Variants in FRMD4B observed in about 807,000 individuals in gnomAD.
FRMD4B encodes FERM domain-containing protein 4B.
A neutral mutation model predicts 141.5 loss-of-function variants in FRMD4B; 74 were observed. The observed-to-expected ratio is 0.52, with a 90% CI of 0.43 to 0.63. The LOEUF is 0.63. FRMD4B is among the 30% of genes least tolerant of loss of function. FRMD4B has a pLI of 0.00. For synonymous variants in FRMD4B, 506 were observed against 467.9 expected, an observed-to-expected ratio of 1.08 and a Z score of -1.05; for missense variants, 1,366 against 1,253.4, an observed-to-expected ratio of 1.09 and a Z score of -1.36.
chr3:69,517,791 A>G (rs528550385), intron 1 of FRMD4B, among the ~76,000 whole-genome samples: 12 of 152,230 alleles, frequency 7.9e-5, no homozygotes, highest in African/African-American at 2.9e-4. Flanking sequence ...TGGAACCTCA[A>G]ATGTCTCTGT....
chr3:69,500,253 C>T (rs796652127), intron 1 of FRMD4B, among the ~76,000 whole-genome samples: 5 of 152,304 alleles, frequency 3.3e-5, no homozygotes, highest in South Asian at 2.1e-4. Flanking sequence ...CGAAATCACA[C>T]GTATTCCTGG....
At chr3:69,386,099 G>A, upstream of FRMD4B, 7 of 1,015,076 alleles carry the variant, frequency 6.9e-6, no homozygotes, top group Non-Finnish European at 9.6e-6. Flanking sequence ...GGCAGCCGGG[G>A]GGTCAAGCCT....
chr3:69,460,150 G>A (rs1575810131), intron 1 of FRMD4B, among the ~76,000 whole-genome samples: 1 of 152,176 alleles, frequency 6.6e-6, no homozygotes, highest in African/African-American at 2.4e-5. Flanking sequence ...CCATTTGTTG[G>A]AAATTCCACA....
chr3:69,207,440 G>A (rs1169154722), intron 11 of FRMD4B, among the ~76,000 whole-genome samples: 2 of 151,860 alleles, frequency 1.3e-5, no homozygotes, highest in East Asian at 3.9e-4. Flanking sequence ...TCCTATTTAT[G>A]AGCTATCTTT....
In FRMD4B at chr3:69,217,357, A is replaced by C. The variant is rs199529073; in HGVS notation, c.789+965T>G. 2.0e-4 allele frequency among the ~76,000 whole-genome samples: 31 copies of C among 152,288 alleles called. No individual in the cohort carries two copies. In the East Asian group the frequency reaches 5.8e-3, roughly 28 times the overall value. On this transcript the variant is annotated intron_variant, in intron 10 of 22. Coordinates refer to ENST00000398540, the MANE Select transcript of FRMD4B (RefSeq NM_015123.3). Reference sequence around the variant, plus strand: ...AATTGGAGGCCAGGCGTGGTGGTTCATGCCTGTAATCCCAGCACTTTGGGA... The same window carrying C: ...AATTGGAGGCCAGGCGTGGTGGTTCCTGCCTGTAATCCCAGCACTTTGGGA...
intron 1 of FRMD4B, among the ~76,000 whole-genome samples, chr3:69,447,596 A>C (rs1341621447): frequency 2.0e-5 from 3 of 152,222 alleles, no homozygotes; most frequent in Admixed American, 2.0e-4. Flanking sequence ...AAATTTTGTT[A>C]CAAGTATATA....
intron 5 of FRMD4B, among the ~76,000 whole-genome samples, chr3:69,250,539 T>C (rs2093458066): frequency 6.6e-6 from 1 of 152,160 alleles, no homozygotes; most frequent in African/African-American, 2.4e-5. Context: ...TATTTCAGTA[T>C]ACACACAATG....
In FRMD4B at chr3:69,243,609, T is replaced by C. The variant is rs190755644; in HGVS notation, c.581+5617A>G. ...GCTGGAAGTTACGCACAGGCAGTAG[T>C]GTGTGGTGGAATCAGAACAGATCTG... On this transcript the variant is annotated intron_variant, in intron 7 of 22. Coordinates refer to ENST00000398540, the MANE Select transcript of FRMD4B (RefSeq NM_015123.3). Among the ~76,000 whole-genome samples the C allele has an allele frequency of 2.6e-5, 4 of 152,312 alleles. 1 individual carries two copies. The highest frequency in any genetic ancestry group is 5.9e-5 in the Non-Finnish European group (4 of 68,020).
At chr3:69,207,320 A>AGAAAG (rs201936899) in intron 11 of FRMD4B, among the ~76,000 whole-genome samples, 9 of 150,650 alleles carry the variant, frequency 6.0e-5, no homozygotes, top group African/African-American at 2.2e-4. Flanking sequence ...AAAAAAAAAA[A>AGAAAG]AAAGAAAGAA....
At chr3:69,516,836 G>A (rs1700767515) in intron 1 of FRMD4B, among the ~76,000 whole-genome samples, 1 of 152,178 alleles carries the variant, frequency 6.6e-6, no homozygotes, top group African/African-American at 2.4e-5. Context: ...AAACTGCTGG[G>A]TGGGCTTGAT....
At chr3:69,476,826 C>T (rs1404894439) in intron 1 of FRMD4B, among the ~76,000 whole-genome samples, 2 of 152,126 alleles carry the variant, frequency 1.3e-5, no homozygotes, top group African/African-American at 4.8e-5. Flanking sequence ...TTGATTCTTC[C>T]TACCCATAAG....
At chr3:69,473,535 T>C (rs1408164559) in intron 1 of FRMD4B, among the ~76,000 whole-genome samples, 2 of 152,200 alleles carry the variant, frequency 1.3e-5, no homozygotes, top group South Asian at 2.1e-4. Flanking sequence ...TATAGCCATC[T>C]TGCATTTGAC....
chr3:69,272,451 C>T (rs142394107), intron 5 of FRMD4B, among the ~76,000 whole-genome samples: 13 of 152,300 alleles, frequency 8.5e-5, no homozygotes, highest in East Asian at 7.7e-4. Context: ...TAAGCCACTG[C>T]GCCCAGCCCA....
chr3:69,473,834 G>T (rs552471665), intron 1 of FRMD4B, among the ~76,000 whole-genome samples: 3 of 152,268 alleles, frequency 2.0e-5, no homozygotes, highest in Admixed American at 1.3e-4. Flanking sequence ...AGTCAATAAG[G>T]AGAAAACCCA....
chr3:69,477,344 T>A (rs1706019583), intron 1 of FRMD4B, among the ~76,000 whole-genome samples: 1 of 142,824 alleles, frequency 7.0e-6, no homozygotes, highest in Non-Finnish European at 1.5e-5. Context: ...TGTGGGTTTG[T>A]CATAGATAGC....
chr3:69,175,724 C>A (rs920683041), intron 22 of FRMD4B, among the ~76,000 whole-genome samples: 1 of 150,526 alleles, frequency 6.6e-6, no homozygotes, highest in South Asian at 2.1e-4. Context: ...GACTAAAGAA[C>A]AGAATGCGTT....
chr3:69,410,729 ATATATATATATATATATAT>A (rs1704743627), intron 2 of FRMD4B, among the ~76,000 whole-genome samples: 1 of 77,726 alleles, frequency 1.3e-5, no homozygotes, highest in South Asian at 4.1e-4. Flanking sequence ...ATAAATAAAT[ATATATATATATATATATAT>A]ATATATATAT....
upstream of FRMD4B, among the ~76,000 whole-genome samples, chr3:69,389,984 C>T (rs1417139685): frequency 3.3e-5 from 5 of 151,854 alleles, no homozygotes; most frequent in Non-Finnish European, 7.4e-5. Context: ...ACTGTAATTT[C>T]CTGCAGCTCT....
At chr3:69,451,019 C>A (rs72931883) in intron 1 of FRMD4B, among the ~76,000 whole-genome samples, 2,340 of 152,230 alleles carry the variant, frequency 0.015, 64 homozygotes, top group African/African-American at 0.053. Flanking sequence ...TACAAGGCTG[C>A]GGCCATATCC....
Sources: gnomAD v4.1 joint callset for allele counts (sites outside exome capture counted in the v4.1 genomes callset) on GRCh38, gnomAD v4.1.1 for gene constraint, MANE v1.5 for transcripts, NCBI Gene and HGNC (gene_info 2026-07-23, HGNC 2026-07-21) for gene names.